The following EYA1 variants were observed in gnomAD, a reference collection of about 807,000 sequenced individuals.
The protein encoded by EYA1 is protein phosphatase EYA1.
In EYA1, 16 loss-of-function variants were observed where a neutral mutation model predicts 82.0. The observed-to-expected ratio is 0.20, with a 90% CI of 0.13 to 0.30. The LOEUF is 0.30. EYA1 is among the 10% of genes least tolerant of loss of function. The pLI, the probability that EYA1 is intolerant of heterozygous loss-of-function variation, is 1.00. For synonymous variants in EYA1, 261 were observed against 264.4 expected (o/e 0.99, Z 0.12); for missense variants, 633 against 730.7 (o/e 0.87, Z 1.54).
intron 2 of EYA1, among the ~76,000 whole-genome samples, chr8:71,424,878 G>T (rs528511423): frequency 6.6e-6 from 1 of 151,978 alleles, no homozygotes; most frequent in African/African-American, 2.4e-5. Context: ...AGTAAGAATA[G>T]TCACCAGATC....
At chr8:71,319,689 G>T (rs1563458095) in intron 6 of EYA1, among the ~76,000 whole-genome samples, 1 of 152,104 alleles carries the variant, frequency 6.6e-6, no homozygotes, top group Admixed American at 6.5e-5. Context: ...TTCTTACAGG[G>T]TCTAAATAAA....
chr8:71,288,334 CTCCA>C (rs922791566), intron 9 of EYA1, among the ~76,000 whole-genome samples: 2 of 152,214 alleles, frequency 1.3e-5, no homozygotes, highest in Non-Finnish European at 2.9e-5. Context: ...GGATATTCAT[CTCCA>C]TCTTTGGGAG....
chr8:71,475,838 T>C (rs576430519), intron 2 of EYA1, among the ~76,000 whole-genome samples: 26 of 152,324 alleles, frequency 1.7e-4, no homozygotes, highest in African/African-American at 6.3e-4. Context: ...CTCAAATTAT[T>C]ATCCATTTGT....
chr8:71,351,803 T>C (rs903785432), intron 3 of EYA1, among the ~76,000 whole-genome samples: 2 of 152,226 alleles, frequency 1.3e-5, no homozygotes, highest in Non-Finnish European at 2.9e-5. Context: ...GATGAAGTTA[T>C]GGTTTTTGAT....
At chr8:71,395,073 C>T (rs1438520020) in intron 2 of EYA1, among the ~76,000 whole-genome samples, 3 of 151,894 alleles carry the variant, frequency 2.0e-5, no homozygotes, top group African/African-American at 4.8e-5. Context: ...TGGAGTTCAC[C>T]CATGATTTGG....
intron 2 of EYA1, among the ~76,000 whole-genome samples, chr8:71,516,074 T>C (rs1483563321): frequency 8.5e-5 from 13 of 152,188 alleles, no homozygotes; most frequent in Admixed American, 8.5e-4. Context: ...CTTTGACAGT[T>C]ACACATGGAA....
At chr8:71,442,715 T>G (rs185658839) in intron 2 of EYA1, among the ~76,000 whole-genome samples, 1 of 152,218 alleles carries the variant, frequency 6.6e-6, no homozygotes, top group Non-Finnish European at 1.5e-5. Context: ...AATACCACTA[T>G]GTGTTGATGT....
intron 4 of EYA1, among the ~76,000 whole-genome samples, chr8:71,324,326 G>A (rs542116119): frequency 1.3e-5 from 2 of 152,308 alleles, no homozygotes; most frequent in Admixed American, 1.3e-4. Flanking sequence ...GGAGGCTGCA[G>A]AACGTGGGAA....
chr8:71,499,812 T>C (rs576606552), intron 2 of EYA1, among the ~76,000 whole-genome samples: 1 of 152,326 alleles, frequency 6.6e-6, no homozygotes, highest in African/African-American at 2.4e-5. Flanking sequence ...GGATTTACAC[T>C]GTAGCTTTAG....
intron 9 of EYA1, among the ~76,000 whole-genome samples, chr8:71,295,786 T>A (rs1244786248): frequency 1.3e-5 from 2 of 152,176 alleles, no homozygotes; most frequent in East Asian, 3.9e-4. Context: ...AGAAACTTCA[T>A]TCATAACTGC....
At chr8:71,526,288 T>A (rs1813812419) in intron 2 of EYA1, among the ~76,000 whole-genome samples, 1 of 150,962 alleles carries the variant, frequency 6.6e-6, no homozygotes, top group South Asian at 2.1e-4. Flanking sequence ...TAATTAGTTA[T>A]ACATAGTATA....
intron 7 of EYA1, among the ~76,000 whole-genome samples, chr8:71,307,905 T>C (rs1317272702): frequency 6.6e-6 from 1 of 152,234 alleles, no homozygotes; most frequent in Non-Finnish European, 1.5e-5. Context: ...ATCACAGGTA[T>C]ATTAATGAAA....
intron 11 of EYA1, among the ~76,000 whole-genome samples, chr8:71,264,789 C>T (rs1195080467): frequency 1.3e-5 from 2 of 151,856 alleles, no homozygotes; most frequent in African/African-American, 4.8e-5. Flanking sequence ...TGCCATGTTA[C>T]CCAGGCTTGT....
chr8:71,206,993 T>A (rs916810873), intron 17 of EYA1, among the ~76,000 whole-genome samples: 1 of 152,010 alleles, frequency 6.6e-6, no homozygotes, highest in Non-Finnish European at 1.5e-5. Flanking sequence ...TGAGCTGAAG[T>A]GATCCACACA....
chr8:71,523,304 G>A (rs1174422396), intron 2 of EYA1, among the ~76,000 whole-genome samples: 1 of 149,098 alleles, frequency 6.7e-6, no homozygotes, highest in African/African-American at 2.5e-5. Context: ...TCAGCCTCCC[G>A]GGTAGCTGGG....
At chr8:71,273,550 A>C (rs1198317594) in intron 9 of EYA1, among the ~76,000 whole-genome samples, 1 of 152,240 alleles carries the variant, frequency 6.6e-6, no homozygotes, top group East Asian at 1.9e-4. Flanking sequence ...AATTTTAAGT[A>C]GTCAAGTGGA....
intron 3 of EYA1, among the ~76,000 whole-genome samples, chr8:71,354,001 A>G (rs1826581017): frequency 6.6e-6 from 1 of 152,212 alleles, no homozygotes; most frequent in Non-Finnish European, 1.5e-5. Context: ...ATATCTTTCC[A>G]TATGTTGAAG....
intron 2 of EYA1, among the ~76,000 whole-genome samples, chr8:71,521,708 A>G (rs1813413888): frequency 6.6e-6 from 1 of 152,194 alleles, no homozygotes; most frequent in African/African-American, 2.4e-5. Flanking sequence ...AAAAATGTTA[A>G]GTGAATTGCT....
chr8:71,287,086 C>T (rs1351743821), intron 9 of EYA1, among the ~76,000 whole-genome samples: 2 of 151,894 alleles, frequency 1.3e-5, no homozygotes, highest in South Asian at 2.1e-4. Flanking sequence ...AGGCGTGAGA[C>T]ACCCCGCTTG....
Sources: gnomAD v4.1 joint callset for allele counts (sites outside exome capture counted in the v4.1 genomes callset) on GRCh38, gnomAD v4.1.1 for gene constraint, MANE v1.5 for transcripts, NCBI Gene and HGNC (gene_info 2026-07-23, HGNC 2026-07-21) for gene names.